The following RSRC2 variants were observed in gnomAD, a reference collection of about 807,000 sequenced individuals.
The protein encoded by RSRC2 is arginine/serine-rich coiled-coil protein 2.
RSRC2 carries 5 observed loss-of-function variants against 61.3 expected under a neutral mutation model. That is an observed-to-expected ratio of 0.08 (90% confidence interval 0.04 to 0.17). RSRC2 has a LOEUF of 0.17. Among genes scored for constraint, RSRC2 ranks in the 10% least tolerant of loss-of-function variants. RSRC2 has a pLI of 1.00. For synonymous variants in RSRC2, 202 were observed against 166.5 expected (o/e 1.21, Z -1.64); for missense variants, 381 against 518.8 (o/e 0.73, Z 2.58).
At chr12:122,511,580 C>T (rs556364255) in intron 6 of RSRC2, among the ~76,000 whole-genome samples, 3 of 152,150 alleles carry the variant, frequency 2.0e-5, no homozygotes, top group East Asian at 3.9e-4. Context: ...AAAAGCCAGC[C>T]GATCAAGACA....
Position 122,504,804 on chromosome 12 carries a change from A to T in RSRC2, c.*723T>A, listed in dbSNP as rs1958021070. 6.5e-6 allele frequency: 1 copy of T among 152,680 alleles called. No homozygotes were observed. Among genetic ancestry groups the T allele is most frequent in the Non-Finnish European group, 1.5e-5 (1 of 68,050 alleles). 9.5% of individuals were successfully genotyped at this position (152,680 alleles called of 1,614,324 possible). ...AATCTATCTCCTGAATAACACATGT[A>T]ATATTTGACAAATACTGAATACCAA... On this transcript the variant is annotated 3_prime_UTR_variant, in exon 10 of 10. Coordinates refer to ENST00000331738, the MANE Select transcript of RSRC2 (RefSeq NM_023012.6).
At position 122,522,290 on chromosome 12, in the gene RSRC2, T is replaced by C; in HGVS notation, c.16A>G (p.Thr6Ala). 1 of 1,592,484 alleles carries C rather than the reference T, an allele frequency of 6.3e-7. No homozygotes were observed. The highest frequency in any genetic ancestry group is 1.2e-5 in the South Asian group (1 of 86,472). Reference protein sequence around the residue: MAASDTERDGLAPEKT... With the variant: MAASDAERDGLAPEKT... ...TCTGGGGCTAGTCCATCTCGCTCTG[T>C]ATCACTAGCCTAAAAGTTTAAAAAC... Residue 6 changes from threonine to alanine, a missense_variant, in exon 2 of 10, where the codon ACA becomes GCA. Around this residue, in one of 4 missense-constraint regions of RSRC2, gnomAD observed 266 missense variants for 270.5 expected, o/e 0.98. Coordinates refer to ENST00000331738, the MANE Select transcript of RSRC2 (RefSeq NM_023012.6).
At chr12:122,511,232 A>T (rs1958485141) in intron 6 of RSRC2, 44 bp from the exon 7 acceptor site, 8 of 1,424,232 alleles carry the variant, frequency 5.6e-6, no homozygotes, top group Non-Finnish European at 2.9e-6. Flanking sequence ...ACAATATAAA[A>T]CCATTATGTA....
intron 8 of RSRC2, 172 bp downstream of exon 8, chr12:122,508,046 C>T (rs549942970): frequency 2.1e-5 from 14 of 677,344 alleles, no homozygotes; most frequent in Admixed American, 6.5e-5. Flanking sequence ...TCAACTGATC[C>T]GCTCACTTGG....
chr12:122,521,184 T>C, intron 3 of RSRC2: 1 of 454,162 alleles, frequency 2.2e-6, no homozygotes, highest in East Asian at 3.3e-5. Flanking sequence ...TATAATAAAA[T>C]TAAAGTTTTG....
chr12:122,505,678 A>G lies in RSRC2; in HGVS notation c.1154T>C (p.Val385Ala). 1 of 1,614,024 alleles carries G rather than the reference A, an allele frequency of 6.2e-7. No homozygotes were observed. Among genetic ancestry groups the G allele is most frequent in the Non-Finnish European group, 8.5e-7 (1 of 1,179,978 alleles). The change falls in exon 10 of 10, where the codon GTT (valine) becomes GCT (alanine). Residue 385 changes from valine to alanine, a missense_variant. Around this residue, in one of 4 missense-constraint regions of RSRC2, gnomAD observed 78 missense variants for 183.0 expected, o/e 0.43. Transcript: ENST00000331738. Reference sequence around the variant, plus strand: ...CAGAGTCTTGTAACTTTCTTCATCAACTGAGCTACATCCAGCTTCATCTTC... The same window carrying G: ...CAGAGTCTTGTAACTTTCTTCATCAGCTGAGCTACATCCAGCTTCATCTTC... ...KSEDEAGCSS[V>A]DEESYKTLKQ... is the part of the protein sequence containing the mutation.
chr12:122,506,526 C>G (rs1023462071), intron 9 of RSRC2: 12 of 240,084 alleles, frequency 5.0e-5, no homozygotes, highest in Non-Finnish European at 9.6e-5. Flanking sequence ...GGAAGGACTG[C>G]TTGAGCCTCG....
chr12:122,507,976 T>C lies in RSRC2; in HGVS notation c.1035+242A>G, dbSNP rs1958235348. The C allele has an allele frequency of 5.6e-6, 3 of 539,662 alleles. No homozygotes were observed. The African/African-American group carries it at 5.7e-5, about 10-fold the overall frequency. The allele number at this position is 539,662 out of a possible 1,614,324, so 33.4% of individuals were successfully genotyped here. On this transcript the variant is annotated intron_variant, in intron 8 of 9. Coordinates refer to ENST00000331738, the MANE Select transcript of RSRC2 (RefSeq NM_023012.6). ...CCACCACACCCAGCTGATTTTTATCTTCTTTTCAGTAGAGACAGGGTTTTG... is the reference window on the plus strand; with the variant it reads ...CCACCACACCCAGCTGATTTTTATCCTCTTTTCAGTAGAGACAGGGTTTTG...
intron 7 of RSRC2, among the ~76,000 whole-genome samples, chr12:122,508,787 T>C (rs1958286610): frequency 6.6e-6 from 1 of 151,802 alleles, no homozygotes; most frequent in African/African-American, 2.4e-5. Flanking sequence ...AGAAACCCCG[T>C]CTCTACCAAA....
In RSRC2 at chr12:122,505,195, A is replaced by G. The variant is rs1038650701; in HGVS notation, c.*332T>C. 9.9e-6 allele frequency: 2 copies of G among 202,506 alleles called. No homozygotes were observed. The highest frequency in any genetic ancestry group is 2.3e-5 in the African/African-American group (1 of 43,230). The allele number at this position is 202,506 out of a possible 1,614,324, so 12.5% of individuals were successfully genotyped here. A position where few individuals can be genotyped will look rare whatever the true frequency, so the allele number is the denominator to read the frequency against. The stretch of plus-strand genomic sequence containing the variant: ...AGATGAAAATAACTGTACAAGGTTA[A>G]GTACAAAAGTACACAAGACAGCGGA... On this transcript the variant is annotated 3_prime_UTR_variant, in exon 10 of 10. Transcript: ENST00000331738.
intron 1 of RSRC2, among the ~76,000 whole-genome samples, chr12:122,524,737 A>C (rs1260590882): frequency 6.6e-6 from 1 of 152,244 alleles, no homozygotes; most frequent in Non-Finnish European, 1.5e-5. Context: ...GATATTTTAT[A>C]GTAGCATAAT....
intron 5 of RSRC2, among the ~76,000 whole-genome samples, chr12:122,516,661 T>C (rs904388668): frequency 1.3e-5 from 2 of 152,184 alleles, no homozygotes; most frequent in African/African-American, 4.8e-5. Context: ...TTTGTGATAA[T>C]AAAATTAATA....
At chr12:122,524,697 G>A (rs886075875) in intron 1 of RSRC2, among the ~76,000 whole-genome samples, 1 of 152,126 alleles carries the variant, frequency 6.6e-6, no homozygotes, top group Non-Finnish European at 1.5e-5. Flanking sequence ...GGTGGTCATT[G>A]AGGCCATGGA....
chr12:122,507,850 T>C (rs1467879804), intron 8 of RSRC2: 6 of 257,902 alleles, frequency 2.3e-5, no homozygotes, highest in Non-Finnish European at 4.6e-5. Flanking sequence ...CATGCCTGGC[T>C]AAGTGGCATG....
In RSRC2 at chr12:122,513,931, C is replaced by G. The variant is rs1317879332; in HGVS notation, c.725+1174G>C. ...CCTGTGGTCCCAACTACTTGAGAGG[C>G]TGAGGTGGGAGGATTGCTTGGGCCC... On this transcript the variant is annotated intron_variant, in intron 6 of 9. Coordinates refer to ENST00000331738, the MANE Select transcript of RSRC2 (RefSeq NM_023012.6). 4 of 337,166 alleles carry G rather than the reference C, an allele frequency of 1.2e-5. No individual in the cohort carries two copies. The Admixed American group carries it at 2.6e-4, about 22-fold the overall frequency. The allele number at this position is 337,166 out of a possible 1,614,324, so 20.9% of individuals were successfully genotyped here. A position where few individuals can be genotyped will look rare whatever the true frequency, so the allele number is the denominator to read the frequency against.
intron 4 of RSRC2, among the ~76,000 whole-genome samples, chr12:122,518,414 G>A (rs564914460): frequency 5.3e-5 from 8 of 151,970 alleles, no homozygotes; most frequent in South Asian, 2.1e-4. Flanking sequence ...CCAACATGGC[G>A]AAACCTCATC....
At chr12:122,514,740 AG>A (rs1271415138) in intron 6 of RSRC2, 1 of 1,153,842 alleles carries the variant, frequency 8.7e-7, no homozygotes, top group Non-Finnish European at 1.1e-6. Context: ...TATTTGAGGG[AG>A]AAAAACAAAA....
In RSRC2 at chr12:122,515,224, A is replaced by C. The variant is rs1347780152; in HGVS notation, c.606T>G (p.Asp202Glu). 3.1e-6 allele frequency: 5 copies of C among 1,613,372 alleles called. No individual in the cohort carries two copies. Among genetic ancestry groups the C allele is most frequent in the Non-Finnish European group, 4.2e-6 (5 of 1,179,736 alleles). ...TCGGCTTTTCAATTCTCTTCTTTCT[A>C]TCTCTGTAGTAAATCGTATTTCATA... ...SRSRTRSRSR[D>E]RKKRIEKPRR... The change falls in exon 6 of 10, where the codon GAT becomes GAG. Residue 202 changes from aspartate (D) to glutamate (E), a missense_variant. Physicochemically the swap from Asp to Glu is conservative, Grantham distance 45. Transcript: ENST00000331738.
intron 6 of RSRC2, among the ~76,000 whole-genome samples, chr12:122,512,506 T>A (rs1312213318): frequency 6.6e-6 from 1 of 152,080 alleles, no homozygotes; most frequent in African/African-American, 2.4e-5. Flanking sequence ...GGTGGGTGGA[T>A]CACCTGAGGT....
Sources: gnomAD v4.1 joint callset for allele counts (sites outside exome capture counted in the v4.1 genomes callset) on GRCh38, gnomAD v4.1.1 for gene constraint, gnomAD v4.1.1 regional missense constraint, MANE v1.5 for transcripts, NCBI Gene and HGNC (gene_info 2026-07-23, HGNC 2026-07-21) for gene names.